Variants in ASTN2 observed in about 807,000 individuals in gnomAD.
ASTN2 encodes the protein astrotactin-2.
ASTN2 carries 54 observed loss-of-function variants against 139.8 expected under a neutral mutation model. The ratio of observed to expected loss-of-function variants is 0.39; its 90% CI spans 0.31 to 0.48. The LOEUF (loss-of-function observed/expected upper bound fraction) is 0.48, where lower values mean the gene tolerates loss of function less well. Among genes scored for constraint, ASTN2 ranks in the 20% least tolerant of loss-of-function variants. The pLI is 0.95. For missense variants in ASTN2, 1,565 were observed against 1,725.1 expected, an observed-to-expected ratio of 0.91 and a Z score of 1.64; for synonymous variants, 756 against 719.5, an observed-to-expected ratio of 1.05 and a Z score of -0.81.
rs2130989235 is a variant in ASTN2 at position 117,414,883 on chromosome 9, C to T, written c.56G>A (p.Arg19Gln). ...CCCCGGGTGGAAGCAGAGCCTCGGC[C>T]GCCCCCGGAGCCCCGAGCCGGGGCC... ...SPGPGSGLRG[R>Q]PRLCFHPGPP... Residue 19 changes from arginine to glutamine, a missense_variant, in exon 1 of 23, where the codon CGG becomes CAG. Arg to Gln is a conservative substitution (Grantham distance 43). This residue lies in a region of ASTN2 where 596 missense variants were observed against 576.8 expected (regional missense o/e 1.03). Coordinates refer to ENST00000313400, the MANE Select transcript of ASTN2 (RefSeq NM_001365068.1). This position sits in a 1 kb window ranked among gnomAD's most constrained non-coding sequence, Gnocchi z 4.2. The T allele has an allele frequency of 1.1e-6, 1 of 896,662 alleles. No individual in the cohort carries two copies. Among genetic ancestry groups the T allele is most frequent in the Non-Finnish European group, 1.4e-6 (1 of 713,368 alleles). 55.5% of individuals were successfully genotyped at this position (896,662 alleles called of 1,614,324 possible).
intron 1 of ASTN2, among the ~76,000 whole-genome samples, chr9:117,368,947 C>A (rs1396503945): frequency 6.6e-6 from 1 of 152,028 alleles, no homozygotes; most frequent in East Asian, 1.9e-4. Flanking sequence ...GAACTTAGGT[C>A]AAGTAAAACG....
chr9:116,786,415 G>GA (rs1292535093), intron 13 of ASTN2, among the ~76,000 whole-genome samples: 1 of 152,128 alleles, frequency 6.6e-6, no homozygotes, highest in African/African-American at 2.4e-5. Flanking sequence ...TGGTTTCCTA[G>GA]AACAGTCAGT....
At chr9:117,156,257 A>G (rs1300316902) in intron 3 of ASTN2, among the ~76,000 whole-genome samples, 1 of 152,066 alleles carries the variant, frequency 6.6e-6, no homozygotes, top group African/African-American at 2.4e-5. Flanking sequence ...GACATCTGCT[A>G]AAGGGTTTTG....
intron 7 of ASTN2, among the ~76,000 whole-genome samples, chr9:117,003,189 A>C (rs1308143282): frequency 2.0e-5 from 3 of 152,082 alleles, no homozygotes; most frequent in Non-Finnish European, 2.9e-5. Flanking sequence ...TAAACTAACA[A>C]ATTTGGCAAC....
At chr9:117,268,087 T>C (rs1376176986) in intron 2 of ASTN2, among the ~76,000 whole-genome samples, 3 of 152,216 alleles carry the variant, frequency 2.0e-5, no homozygotes, top group Non-Finnish European at 2.9e-5. Flanking sequence ...CCTTCTAAAC[T>C]TACTTTCATT....
At chr9:117,215,768 A>T (rs1013659425) in intron 2 of ASTN2, among the ~76,000 whole-genome samples, 34 of 152,146 alleles carry the variant, frequency 2.2e-4, no homozygotes, top group Non-Finnish European at 2.9e-5. Context: ...GTAGGCCCTC[A>T]TCACTTCTCT....
intron 12 of ASTN2, among the ~76,000 whole-genome samples, chr9:116,806,208 G>T (rs762381030): frequency 6.6e-6 from 1 of 152,194 alleles, no homozygotes; most frequent in Non-Finnish European, 1.5e-5. Flanking sequence ...CAAGGTTGAA[G>T]ACTGTAGCAA....
At chr9:116,840,561 C>T (rs1352964105) in intron 11 of ASTN2, among the ~76,000 whole-genome samples, 6 of 32,618 alleles carry the variant, frequency 1.8e-4, no homozygotes, top group Non-Finnish European at 4.5e-4. Context: ...GGGGGCTGAC[C>T]CCCCCACCTC....
chr9:116,805,725 T>C lies in ASTN2; in HGVS notation c.2303A>G (p.Lys768Arg), dbSNP rs145543810. The change falls in exon 13 of 23, where the codon AAA becomes AGA. Residue 768 changes from lysine (K) to arginine (R), a missense_variant. Transcript: ENST00000313400. ...CTCTCCAAAGAGGGTATCATTGAAT[T>C]TGGAGTCAGGTTTGAGGCACTTGGG... ...EGPKCLKPDS[K>R]FNDTLFGEML... 7 of 1,613,868 alleles carry C rather than the reference T, an allele frequency of 4.3e-6. No homozygotes were observed. The highest frequency in any genetic ancestry group is 1.7e-5 in the Admixed American group (1 of 59,996).
intron 10 of ASTN2, among the ~76,000 whole-genome samples, chr9:116,891,089 T>C (rs544224663): frequency 6.6e-6 from 1 of 152,184 alleles, no homozygotes; most frequent in Non-Finnish European, 1.5e-5. Context: ...GTATCTAATG[T>C]ATTCATTGTT....
At chr9:117,389,750 T>C (rs1019275950) in intron 1 of ASTN2, among the ~76,000 whole-genome samples, 12 of 151,852 alleles carry the variant, frequency 7.9e-5, no homozygotes, top group African/African-American at 2.9e-4. Flanking sequence ...GTATGCGGTA[T>C]TGAAAAAAAG....
chr9:116,533,078 C>A (rs978973482), intron 19 of ASTN2, among the ~76,000 whole-genome samples: 1 of 152,140 alleles, frequency 6.6e-6, no homozygotes, highest in African/African-American at 2.4e-5. Context: ...TCCTTCACAT[C>A]CCTTGTAAGT....
intron 10 of ASTN2, among the ~76,000 whole-genome samples, chr9:116,896,520 T>C (rs972093201): frequency 2.6e-5 from 4 of 152,068 alleles, no homozygotes; most frequent in African/African-American, 7.2e-5. Context: ...GGTTTCACCA[T>C]GTTGGCCAGG....
At chr9:116,827,176 G>A (rs1471059967) in intron 11 of ASTN2, among the ~76,000 whole-genome samples, 1 of 151,758 alleles carries the variant, frequency 6.6e-6, no homozygotes, top group African/African-American at 2.4e-5. Context: ...GGGTGCGGTG[G>A]TGCATGCCTG....
At chr9:117,356,535 T>C (rs1829543613) in intron 1 of ASTN2, among the ~76,000 whole-genome samples, 1 of 152,218 alleles carries the variant, frequency 6.6e-6, no homozygotes, top group African/African-American at 2.4e-5. Context: ...TTCTTTACCC[T>C]CTCTCAAGAA....
chr9:117,048,963 C>CTTTCTTTTTTTTTTTTTTTT (rs544204025), intron 5 of ASTN2, among the ~76,000 whole-genome samples: 1 of 89,016 alleles, frequency 1.1e-5, no homozygotes, highest in South Asian at 4.9e-4. Context: ...TCATCCATTG[C>CTTTCTTTTTTTTTTTTTTTT]TTTTTTTTTT....
At chr9:117,028,808 G>A (rs913780823) in intron 6 of ASTN2, among the ~76,000 whole-genome samples, 1 of 152,134 alleles carries the variant, frequency 6.6e-6, no homozygotes, top group Non-Finnish European at 1.5e-5. Context: ...GGCTGCATAA[G>A]GACTTGGAAG....
intron 5 of ASTN2, among the ~76,000 whole-genome samples, chr9:117,084,025 G>A (rs1408160550): frequency 7.5e-6 from 1 of 133,084 alleles, no homozygotes; most frequent in Non-Finnish European, 1.6e-5. Context: ...TAGTCCAGAA[G>A]GGATCTTTAA....
intron 2 of ASTN2, among the ~76,000 whole-genome samples, chr9:117,244,604 A>AGGGG (rs1833319192): frequency 1.5e-5 from 1 of 67,836 alleles, no homozygotes; most frequent in African/African-American, 6.2e-5. Flanking sequence ...GGAGGGAGGG[A>AGGGG]GGAGAGGGAG....
Sources: gnomAD v4.1 joint callset for allele counts (sites outside exome capture counted in the v4.1 genomes callset) on GRCh38, gnomAD v4.1.1 for gene constraint, gnomAD v4.1.1 regional missense constraint, Gnocchi (gnomAD v3.1) non-coding constraint, MANE v1.5 for transcripts, NCBI Gene and HGNC (gene_info 2026-07-23, HGNC 2026-07-21) for gene names.